The following MAGI3 variants were observed in gnomAD, a reference collection of about 807,000 sequenced individuals.
MAGI3 encodes membrane-associated guanylate kinase, WW and PDZ domain-containing protein 3.
In MAGI3, 43 loss-of-function variants were observed where a neutral mutation model predicts 121.8. The observed-to-expected ratio is 0.35, with a 90% CI of 0.28 to 0.46. The LOEUF (loss-of-function observed/expected upper bound fraction) is 0.46. Ranked by LOEUF, MAGI3 falls within the 20% of genes least tolerant of loss-of-function variation. The pLI, the probability that MAGI3 is intolerant of heterozygous loss-of-function variation, is 1.00. For synonymous variants in MAGI3, 553 were observed against 639.3 expected (o/e 0.86, Z 2.04); for missense variants, 1,547 against 1,797.3 (o/e 0.86, Z 2.52).
intron 13 of MAGI3, among the ~76,000 whole-genome samples, chr1:113,649,942 A>T (rs889643835): frequency 2.6e-5 from 4 of 152,232 alleles, no homozygotes; most frequent in Non-Finnish European, 5.9e-5. Flanking sequence ...TTTAGAGAAC[A>T]AATGTAGTGG....
intron 6 of MAGI3, among the ~76,000 whole-genome samples, chr1:113,605,241 C>CA (rs1168180498): frequency 1.3e-5 from 2 of 152,036 alleles, no homozygotes; most frequent in African/African-American, 4.8e-5. Flanking sequence ...GGAAACATCC[C>CA]AGATATCTAT....
At chr1:113,477,298 A>T (rs1432223599) in intron 1 of MAGI3, among the ~76,000 whole-genome samples, 1 of 152,084 alleles carries the variant, frequency 6.6e-6, no homozygotes, top group Non-Finnish European at 1.5e-5. Context: ...TTGCCTGTTA[A>T]TTGATGCAGT....
intron 1 of MAGI3, among the ~76,000 whole-genome samples, chr1:113,460,312 A>AGC (rs1654966777): frequency 6.6e-6 from 1 of 152,224 alleles, no homozygotes; most frequent in Non-Finnish European, 1.5e-5. Context: ...CACAGCCAAC[A>AGC]TTGAACTGAA....
At chr1:113,574,546 G>A (rs1209820677) in intron 2 of MAGI3, among the ~76,000 whole-genome samples, 3 of 152,188 alleles carry the variant, frequency 2.0e-5, no homozygotes, top group African/African-American at 7.2e-5. Flanking sequence ...AAGGGTTTCT[G>A]CAGAGATCTG....
intron 17 of MAGI3, 22 bp from the exon 18 acceptor site, chr1:113,672,593 A>C: frequency 1.2e-6 from 2 of 1,604,154 alleles, no homozygotes; most frequent in Non-Finnish European, 1.7e-6. Context: ...TCAGAGAGTG[A>C]CTTGATTTCT....
At chr1:113,553,136 A>G (rs765994497) in intron 2 of MAGI3, among the ~76,000 whole-genome samples, 2 of 152,224 alleles carry the variant, frequency 1.3e-5, no homozygotes, top group Non-Finnish European at 2.9e-5. Context: ...GAACAGGACT[A>G]TGATCCTTGA....
intron 2 of MAGI3, among the ~76,000 whole-genome samples, chr1:113,580,166 A>G (rs1161594105): frequency 6.6e-6 from 1 of 152,180 alleles, no homozygotes; most frequent in Non-Finnish European, 1.5e-5. Context: ...TTATTCACAT[A>G]TAAAGTAACT....
intron 1 of MAGI3, among the ~76,000 whole-genome samples, chr1:113,532,309 G>A (rs1157934847): frequency 4.0e-5 from 6 of 151,714 alleles, no homozygotes; most frequent in Non-Finnish European, 8.8e-5. Flanking sequence ...AAACAGAATT[G>A]AACATGAAAT....
At chr1:113,481,986 A>G (rs1050915257) in intron 1 of MAGI3, among the ~76,000 whole-genome samples, 4 of 151,378 alleles carry the variant, frequency 2.6e-5, no homozygotes, top group African/African-American at 9.7e-5. Context: ...TTTCAATATG[A>G]TTGTAATCCC....
chr1:113,443,098 T>TAAGCCAA (rs1653999192), intron 1 of MAGI3, among the ~76,000 whole-genome samples: 2 of 152,196 alleles, frequency 1.3e-5, no homozygotes, highest in Non-Finnish European at 2.9e-5. Context: ...AGCAATTCAG[T>TAAGCCAA]ATGCCTTGCT....
At chr1:113,504,959 T>C (rs1455581967) in intron 1 of MAGI3, among the ~76,000 whole-genome samples, 1 of 152,278 alleles carries the variant, frequency 6.6e-6, no homozygotes, top group South Asian at 2.1e-4. Context: ...ATATATCCAA[T>C]TCTTTTGTAG....
chr1:113,583,428 T>C (rs549737017), intron 3 of MAGI3, among the ~76,000 whole-genome samples: 3 of 152,266 alleles, frequency 2.0e-5, no homozygotes, highest in South Asian at 4.1e-4. Context: ...ATGGCAGTTA[T>C]CATATCCTGC....
At chr1:113,458,093 C>T (rs1166224102) in intron 1 of MAGI3, among the ~76,000 whole-genome samples, 1 of 152,132 alleles carries the variant, frequency 6.6e-6, no homozygotes, top group African/African-American at 2.4e-5. Flanking sequence ...GTTGGAAAAC[C>T]TTTAGATTGT....
At chr1:113,489,888 T>A (rs1214837298) in intron 1 of MAGI3, among the ~76,000 whole-genome samples, 1 of 152,080 alleles carries the variant, frequency 6.6e-6, no homozygotes, top group African/African-American at 2.4e-5. Flanking sequence ...TATGGAATTA[T>A]GTAAAGAGAC....
chr1:113,459,519 A>G (rs1654928515), intron 1 of MAGI3, among the ~76,000 whole-genome samples: 1 of 152,226 alleles, frequency 6.6e-6, no homozygotes, highest in South Asian at 2.1e-4. Context: ...CTTAAAAATC[A>G]TATTGTACAT....
chr1:113,620,228 A>G (rs1272481213), intron 8 of MAGI3, among the ~76,000 whole-genome samples: 1 of 152,230 alleles, frequency 6.6e-6, no homozygotes, highest in African/African-American at 2.4e-5. Flanking sequence ...CAATATTAAT[A>G]AATACTAAAT....
chr1:113,646,091 G>A (rs1557872192), intron 11 of MAGI3, among the ~76,000 whole-genome samples: 1 of 151,946 alleles, frequency 6.6e-6, no homozygotes, highest in African/African-American at 2.4e-5. Context: ...AATGGGAGGT[G>A]GGCCGTGCTA....
chr1:113,450,384 G>A (rs1654417605), intron 1 of MAGI3: 1 of 1,141,446 alleles, frequency 8.8e-7, no homozygotes, highest in Admixed American at 1.7e-5. Context: ...TGGAGGAGGT[G>A]ATGGTGGATA....
At chr1:113,430,633 A>T (rs1157866718) in intron 1 of MAGI3, among the ~76,000 whole-genome samples, 1 of 152,212 alleles carries the variant, frequency 6.6e-6, no homozygotes, top group Non-Finnish European at 1.5e-5. Context: ...TCATGTTTTT[A>T]AAATAGTTCT....
Sources: gnomAD v4.1 joint callset for allele counts (sites outside exome capture counted in the v4.1 genomes callset) on GRCh38, gnomAD v4.1.1 for gene constraint, MANE v1.5 for transcripts, NCBI Gene and HGNC (gene_info 2026-07-23, HGNC 2026-07-21) for gene names.